LRGUK: variants seen among roughly 807,000 people sequenced by gnomAD.
The protein encoded by LRGUK is leucine-rich repeat and guanylate kinase domain-containing protein.
A neutral mutation model predicts 76.0 loss-of-function variants in LRGUK; 65 were observed. The ratio of observed to expected loss-of-function variants is 0.85; its 90% CI spans 0.70 to 1.05. The LOEUF is 1.05. Among genes scored for constraint, LRGUK ranks in the 50% least tolerant of loss-of-function variants. The pLI, the probability that LRGUK is intolerant of heterozygous loss-of-function variation, is 0.00. For missense variants in LRGUK, 758 were observed against 732.8 expected (o/e 1.03, Z -0.40); for synonymous variants, 268 against 265.6 (o/e 1.01, Z -0.09).
At chr7:134,258,126 C>T in intron 18 of LRGUK, 131 bp from the exon 19 acceptor site, 2 of 1,130,688 alleles carry the variant, frequency 1.8e-6, no homozygotes, top group South Asian at 2.9e-5. Flanking sequence ...ACTAGCTCAA[C>T]ACAAGACATG....
the LRGUK span, among the ~76,000 whole-genome samples, chr7:134,273,757 C>T: frequency 6.6e-6 from 1 of 152,026 alleles, no homozygotes; most frequent in East Asian, 1.9e-4. Context: ...TACTATTGTT[C>T]ATATGCTTAT....
intron 7 of LRGUK, among the ~76,000 whole-genome samples, chr7:134,170,897 GT>G (rs1390913058): frequency 6.6e-6 from 1 of 152,072 alleles, no homozygotes; most frequent in Non-Finnish European, 1.5e-5. Context: ...CCATTGATCT[GT>G]CTGTTGATTC....
intron 1 of LRGUK, among the ~76,000 whole-genome samples, chr7:134,134,176 G>A (rs1399424933): frequency 6.6e-6 from 1 of 152,190 alleles, no homozygotes; most frequent in Non-Finnish European, 1.5e-5. Context: ...TGAACAGACT[G>A]GAGATTTGTT....
intron 10 of LRGUK, among the ~76,000 whole-genome samples, chr7:134,179,875 G>A (rs957916932): frequency 7.2e-5 from 11 of 152,120 alleles, no homozygotes; most frequent in Non-Finnish European, 1.2e-4. Context: ...ACTCTGTCTA[G>A]GCCAGTACAC....
exon 18 of LRGUK, chr7:134,248,976 A>G (rs780123094): frequency 3.2e-6 from 5 of 1,557,636 alleles, no homozygotes; most frequent in Non-Finnish European, 4.4e-6. Flanking sequence ...ACCTCTCACC[A>G]GTGGTCTACA....
intron 15 of LRGUK, among the ~76,000 whole-genome samples, chr7:134,206,670 C>T (rs866988714): frequency 6.6e-6 from 1 of 151,708 alleles, no homozygotes; most frequent in Non-Finnish European, 1.5e-5. Context: ...TTAAAAAGCA[C>T]AAGTAAACAA....
intron 18 of LRGUK, among the ~76,000 whole-genome samples, chr7:134,253,765 G>C (rs1273482853): frequency 6.6e-6 from 1 of 152,164 alleles, no homozygotes; most frequent in East Asian, 1.9e-4. Flanking sequence ...CAGTGAGCCA[G>C]GATGGTGCCA....
Position 134,249,090 on chromosome 7 carries a change from T to C in LRGUK, c.2198+14T>C. 6.4e-7 allele frequency: 1 copy of C among 1,554,102 alleles called. No individual in the cohort carries two copies. Among genetic ancestry groups the C allele is most frequent in the East Asian group, 2.3e-5 (1 of 43,786 alleles). ...TCCTGAAAAGAGGTGAGTTGAGGTG[T>C]TTTGTTGGATGGAATTGGCTATTTT... On this transcript the variant is annotated intron_variant, in intron 18 of 19. Coordinates refer to the LRGUK transcript ENST00000285928.
chr7:134,146,477 A>G (rs1430398553), intron 4 of LRGUK, among the ~76,000 whole-genome samples: 2 of 152,190 alleles, frequency 1.3e-5, no homozygotes, highest in African/African-American at 4.8e-5. Flanking sequence ...AGTGAATGTT[A>G]AACTCCATTT....
At chr7:134,230,279 G>A (rs984936158) in intron 16 of LRGUK, among the ~76,000 whole-genome samples, 1 of 152,046 alleles carries the variant, frequency 6.6e-6, no homozygotes, top group Non-Finnish European at 1.5e-5. Flanking sequence ...TTATTAATCA[G>A]GGAAATGCAA....
chr7:134,225,613 T>A (rs145684725), intron 16 of LRGUK, among the ~76,000 whole-genome samples: 1 of 152,342 alleles, frequency 6.6e-6, no homozygotes, highest in East Asian at 1.9e-4. Flanking sequence ...AGATTCACTC[T>A]TAAGAAATTA....
chr7:134,216,063 A>C (rs1801429264), intron 15 of LRGUK, among the ~76,000 whole-genome samples: 1 of 152,194 alleles, frequency 6.6e-6, no homozygotes, highest in Non-Finnish European at 1.5e-5. Context: ...CAATCTAGCC[A>C]TGTGACCTTG....
intron 19 of LRGUK, among the ~76,000 whole-genome samples, chr7:134,260,974 A>G (rs1802709456): frequency 6.6e-6 from 1 of 152,186 alleles, no homozygotes; most frequent in Admixed American, 6.5e-5. Context: ...GAGGCGGGGC[A>G]AGGGCAGGTG....
At chr7:134,273,616 T>G in the LRGUK span, among the ~76,000 whole-genome samples, 1 of 152,122 alleles carries the variant, frequency 6.6e-6, no homozygotes, top group African/African-American at 2.4e-5. Flanking sequence ...TTTGGCAAAT[T>G]TTTTAATTTT....
At chr7:134,225,373 C>CT (rs1373486356) in intron 16 of LRGUK, among the ~76,000 whole-genome samples, 1 of 152,104 alleles carries the variant, frequency 6.6e-6, no homozygotes, top group African/African-American at 2.4e-5. Flanking sequence ...TGCAGTGCCC[C>CT]TCCCTGAGAA....
intron 5 of LRGUK, among the ~76,000 whole-genome samples, chr7:134,151,794 G>A (rs954348286): frequency 6.6e-6 from 1 of 152,048 alleles, no homozygotes; most frequent in Admixed American, 6.5e-5. Context: ...TTGTGATCCA[G>A]AGATATAGAA....
intron 6 of LRGUK, among the ~76,000 whole-genome samples, chr7:134,160,368 A>G (rs1256719749): frequency 2.0e-5 from 3 of 152,206 alleles, no homozygotes; most frequent in Non-Finnish European, 4.4e-5. Flanking sequence ...TCATCACCCA[A>G]GATCAACTAG....
intron 10 of LRGUK, among the ~76,000 whole-genome samples, chr7:134,182,051 CTATCTATAATGCTGT>C (rs1159115813): frequency 6.6e-6 from 1 of 152,206 alleles, no homozygotes; most frequent in Admixed American, 6.5e-5. Context: ...GTCCCTGTCT[CTATCTATAATGCTGT>C]TATTTCAAAC....
intron 4 of LRGUK, among the ~76,000 whole-genome samples, chr7:134,146,896 A>C (rs1797992457): frequency 1.3e-5 from 2 of 152,234 alleles, no homozygotes; most frequent in Admixed American, 1.3e-4. Context: ...TAATGTACCC[A>C]GCAAATTATG....
Sources: allele counts gnomAD v4.1 joint callset (sites outside exome capture counted in the v4.1 genomes callset), GRCh38; gene constraint gnomAD v4.1.1; transcripts MANE v1.5; gene names NCBI Gene and HGNC (gene_info 2026-07-23, HGNC 2026-07-21).